DDX3Y: variants seen among roughly 807,000 people sequenced by gnomAD.
DDX3Y encodes the protein DEAD-box helicase 3 Y-linked, also known as ATP-dependent RNA helicase DDX3Y.
Under a neutral mutation model 15.1 loss-of-function variants are expected in DDX3Y, and 2 were observed. The ratio of observed to expected loss-of-function variants is 0.13; its 90% CI spans 0.05 to 0.42. The LOEUF (loss-of-function observed/expected upper bound fraction) is 0.42, where lower values mean the gene tolerates loss of function less well. Ranked by LOEUF, DDX3Y falls within the 10% of genes least tolerant of loss-of-function variation. DDX3Y has a pLI of 0.99. For synonymous variants in DDX3Y, 47 were observed against 45.0 expected, an observed-to-expected ratio of 1.04 and a Z score of -0.18; for missense variants, 81 against 149.9, an observed-to-expected ratio of 0.54 and a Z score of 2.40.
Position 12,918,125 on chromosome Y carries a change from C to A in DDX3Y, c.*3C>A, listed in dbSNP as rs759124722. The A allele has an allele frequency of 1.3e-5, 5 of 384,847 alleles. No individual in the cohort carries two copies. The South Asian group carries it at 1.6e-4, about 12-fold the overall frequency. On this transcript the variant is annotated 3_prime_UTR_variant, in exon 17 of 17. Coordinates refer to ENST00000336079, the MANE Select transcript of DDX3Y (RefSeq NM_004660.5). ...GGGTTGACTGGTGGGGCAACTGAAT[C>A]TGCTTTGCAGCAAAGTCACCCTTAC...
In DDX3Y at chrY:12,911,886, G is replaced by A; in HGVS notation, c.199G>A (p.Asp67Asn). The change falls in exon 4 of 17, where the codon GAT (aspartate) becomes AAT (asparagine). Residue 67 changes from aspartate (D) to asparagine (N), a missense_variant. Physicochemically the swap from Asp to Asn is conservative, Grantham distance 23. Coordinates refer to ENST00000336079, the MANE Select transcript of DDX3Y (RefSeq NM_004660.5). ...AGGTTGGAGTTGCAGCAAAGATAAG[G>A]ATGCATATAGCAGTTTTGGGTCTCG... ...SSGWSCSKDK[D>N]AYSSFGSRDS... The A allele has an allele frequency of 2.5e-6, 1 of 396,212 alleles. No homozygotes were observed. Among genetic ancestry groups the A allele is most frequent in the South Asian group, 3.0e-5 (1 of 33,768 alleles).
intron 11 of DDX3Y, 43 bp downstream of exon 11, chrY:12,915,817 T>A: frequency 2.5e-6 from 1 of 397,235 alleles, no homozygotes; most frequent in African/African-American, 6.1e-5. Flanking sequence ...CATTTGTGTT[T>A]ATTCATTATC....
In DDX3Y at chrY:12,911,166, G is replaced by GC. The variant is rs9341299; in HGVS notation, c.152-671dup. Among the ~76,000 whole-genome samples the GC allele has an allele frequency of 2.8e-3, 91 of 32,676 alleles. No individual in the cohort carries two copies. The East Asian group carries it at 0.058, about 21-fold the overall frequency. The allele number at this position is 32,676 out of a possible 37,273, so 87.7% of individuals were successfully genotyped here. On this transcript the variant is annotated intron_variant, in intron 3 of 16. Coordinates refer to ENST00000336079, the MANE Select transcript of DDX3Y (RefSeq NM_004660.5). ...CTGACCTTGTGATCTGCCTGCCTTA[G>GC]CCTCCCAAAGTGCTGGGATTACAGG... is the stretch of plus-strand genomic sequence containing the variant.
At chrY:12,905,655 T>C in intron 1 of DDX3Y, 1 of 227,203 alleles carries the variant, frequency 4.4e-6, no homozygotes, top group Non-Finnish European at 6.3e-6. Context: ...GTTGCCCGGG[T>C]GCTGAGCGTG....
intron 2 of DDX3Y, among the ~76,000 whole-genome samples, chrY:12,908,846 C>G: frequency 3.1e-5 from 1 of 32,669 alleles, no homozygotes; most frequent in Non-Finnish European, 7.6e-5. Flanking sequence ...CCATGCCCGG[C>G]TAATTTTTTC....
At chrY:12,908,085 ATG>A (rs2053617100) in intron 2 of DDX3Y, among the ~76,000 whole-genome samples, 1 of 34,723 alleles carries the variant, frequency 2.9e-5, no homozygotes, top group Non-Finnish European at 7.2e-5. Context: ...CTGTGCATTT[ATG>A]TGCTACACCT....
At chrY:12,911,790 A>G (rs1201067550) in intron 3 of DDX3Y, 49 bp from the exon 4 acceptor site, 1 of 373,509 alleles carries the variant, frequency 2.7e-6, no homozygotes, top group East Asian at 9.5e-5. Flanking sequence ...GAAAGATGCA[A>G]ATTATTCAAA....
intron 8 of DDX3Y, 30 bp from the exon 9 acceptor site, chrY:12,914,854 T>C: frequency 5.4e-6 from 2 of 369,451 alleles, no homozygotes; most frequent in Non-Finnish European, 7.6e-6. Flanking sequence ...AGTTTTGGGT[T>C]ATGAATTTAA....
Position 12,917,391 on chromosome Y carries a change from T to A in DDX3Y, c.1764-12T>A. 1 of 397,423 alleles carries A rather than the reference T, an allele frequency of 2.5e-6. No individual in the cohort carries two copies. The highest frequency in any genetic ancestry group is 3.0e-5 in the South Asian group (1 of 33,649). ...TGTACTTAACACTGCCATGCCATAT[T>A]TTTGCTTACAGTAATAGATTCAGTG... On this transcript the variant is annotated splice_polypyrimidine_tract_variant and intron_variant, in intron 15 of 16. Transcript: ENST00000336079.
At chrY:12,917,664 T>A in intron 16 of DDX3Y, 122 bp downstream of exon 16, 1 of 191,220 alleles carries the variant, frequency 5.2e-6, no homozygotes, top group Non-Finnish European at 8.2e-6. Context: ...TCACTGGAAG[T>A]GACTCTCCTG....
At chrY:12,907,772 A>C (rs2053616326) in intron 2 of DDX3Y, among the ~76,000 whole-genome samples, 178 bp downstream of exon 2, 1 of 33,204 alleles carries the variant, frequency 3.0e-5, no homozygotes, top group Non-Finnish European at 7.4e-5. Flanking sequence ...TGCTGAAAAT[A>C]CAAAAAATTA....
chrY:12,911,104 G>A (rs754711745), intron 3 of DDX3Y, among the ~76,000 whole-genome samples: 9 of 32,015 alleles, frequency 2.8e-4, no homozygotes, highest in African/African-American at 9.8e-4. Context: ...TAGTAGAGAC[G>A]GGGTTTCACC....
chrY:12,913,840 T>C lies in DDX3Y; in HGVS notation c.660T>C (p.Ala220=). ...TTAAGGGAAAAAGAGACTTAATGGC[T>C]TGTGCCCAAACAGGTAAGCTTACTC... The part of the protein sequence containing the change: ...PIIKGKRDLM[A]CAQTGSGKTA... The change falls in exon 7 of 17, where the codon GCT becomes GCC. Residue 220 remains alanine (A), a synonymous_variant. Transcript: ENST00000336079. 1 of 395,873 alleles carries C rather than the reference T, an allele frequency of 2.5e-6. No individual in the cohort carries two copies. The highest frequency in any genetic ancestry group is 3.0e-5 in the South Asian group (1 of 33,241).
upstream of DDX3Y, chrY:12,904,414 G>A (rs2053605153): frequency 2.7e-5 from 1 of 37,424 alleles, no homozygotes; most frequent in African/African-American, 1.2e-4. Context: ...GCTTGTCAAA[G>A]GTAGGTGACG....
At chrY:12,916,052 C>A in intron 12 of DDX3Y, 25 bp downstream of exon 12, 1 of 384,516 alleles carries the variant, frequency 2.6e-6, no homozygotes, top group South Asian at 3.0e-5. Context: ...AGAATAGTGT[C>A]AGTTACATGT....
At chrY:12,916,161 A>G in intron 12 of DDX3Y, 100 bp from the exon 13 acceptor site, 1 of 343,946 alleles carries the variant, frequency 2.9e-6, no homozygotes, top group Non-Finnish European at 4.2e-6. Flanking sequence ...TGCATCCAAG[A>G]TGTATTTTAG....
Position 12,914,554 on chromosome Y carries a change from T to C in DDX3Y, c.674-10T>C. On this transcript the variant is annotated splice_polypyrimidine_tract_variant and intron_variant, in intron 7 of 16. Transcript: ENST00000336079. ...TATTCAGAAATGATAAGCCAGTGTT[T>C]TGTTTTCAGGATCTGGGAAAACTGC... 2.6e-6 allele frequency: 1 copy of C among 378,184 alleles called. No individual in the cohort carries two copies. The highest frequency in any genetic ancestry group is 9.3e-5 in the East Asian group (1 of 10,747). 94.3% of individuals were successfully genotyped at this position (378,184 alleles called of 400,897 possible).
chrY:12,906,277 T>C (rs2053611345), intron 1 of DDX3Y, among the ~76,000 whole-genome samples: 1 of 33,713 alleles, frequency 3.0e-5, no homozygotes, highest in Non-Finnish European at 7.3e-5. Context: ...TTCTTAGTTG[T>C]AATTAAAGCT....
intron 3 of DDX3Y, 132 bp downstream of exon 3, chrY:12,909,539 C>T: frequency 7.3e-6 from 1 of 136,626 alleles, no homozygotes; most frequent in Non-Finnish European, 1.4e-5. Context: ...TCTTTAAGAA[C>T]TAGCACTTTC....
Sources: gnomAD v4.1 joint callset for allele counts (sites outside exome capture counted in the v4.1 genomes callset) on GRCh38, gnomAD v4.1.1 for gene constraint, MANE v1.5 for transcripts, NCBI Gene and HGNC (gene_info 2026-07-23, HGNC 2026-07-21) for gene names.